The following SMS variants were observed in gnomAD, a reference collection of about 807,000 sequenced individuals.
SMS encodes spermidine aminopropyltransferase.
In SMS, 3 loss-of-function variants were observed where a neutral mutation model predicts 33.0. The observed-to-expected ratio is 0.09, with a 90% CI of 0.04 to 0.23. The LOEUF is 0.23. SMS is among the 10% of genes least tolerant of loss of function. The probability of loss-of-function intolerance (pLI) is 1.00; values close to 1 mark genes in which losing one functional copy is unlikely to be tolerated. For synonymous variants in SMS, 103 were observed against 112.2 expected, an observed-to-expected ratio of 0.92 and a Z score of 0.52; for missense variants, 117 against 288.6, an observed-to-expected ratio of 0.41 and a Z score of 4.31.
At position 21,940,739 on chromosome X, in the gene SMS, C is replaced by A; in HGVS notation, c.-86C>A. The A allele has an allele frequency of 1.2e-6, 1 of 822,603 alleles. No homozygotes were observed. Among genetic ancestry groups the A allele is most frequent in the Non-Finnish European group, 1.7e-6 (1 of 591,512 alleles). The allele number at this position is 822,603 out of a possible 1,213,427, so 67.8% of individuals were successfully genotyped here. A position where few individuals can be genotyped will look rare whatever the true frequency, so the allele number is the denominator to read the frequency against. ...TGGCCTCCCCGGGCGCAGCACACTC[C>A]CAGCCGGCCGCAGCCTGACACGCCG... On this transcript the variant is annotated 5_prime_UTR_variant, in exon 1 of 11. Coordinates refer to ENST00000404933, the MANE Select transcript of SMS (RefSeq NM_004595.5).
At chrX:21,949,950 GA>G (rs5901691) in intron 1 of SMS, among the ~76,000 whole-genome samples, 43,324 of 102,735 alleles carry the variant, frequency 0.42, 8,349 homozygotes, top group African/African-American at 0.72. Context: ...TTCCAAAGTG[GA>G]AAAAAAAAAA....
At chrX:21,973,030 G>A (rs1360938915) in intron 4 of SMS, among the ~76,000 whole-genome samples, 1 of 110,581 alleles carries the variant, frequency 9.0e-6, no homozygotes, top group Non-Finnish European at 1.9e-5. Flanking sequence ...ATGGTGAACT[G>A]AACTACTGGG....
chrX:21,961,272 G>T, intron 1 of SMS, among the ~76,000 whole-genome samples: 1 of 109,982 alleles, frequency 9.1e-6, no homozygotes, highest in Non-Finnish European at 1.9e-5. Flanking sequence ...GAGGAAGTTA[G>T]GTCTGTAAGT....
intron 9 of SMS, among the ~76,000 whole-genome samples, chrX:21,992,213 A>G (rs1925804577): frequency 8.9e-6 from 1 of 112,651 alleles, no homozygotes. Context: ...CAGGAACACT[A>G]TATTTTTGAT....
At chrX:21,970,745 GT>G (rs756995067) in intron 2 of SMS, among the ~76,000 whole-genome samples, 2,438 of 82,219 alleles carry the variant, frequency 0.03, 86 homozygotes, top group African/African-American at 0.087. Context: ...ATTATTTTTA[GT>G]TTTTTTTTTT....
At chrX:21,981,483 G>A (rs900600495) in intron 7 of SMS, among the ~76,000 whole-genome samples, 5 of 111,580 alleles carry the variant, frequency 4.5e-5, no homozygotes, top group Non-Finnish European at 5.6e-5. Flanking sequence ...AGTGTGAAGC[G>A]AAATATGTCC....
chrX:21,969,221 A>G (rs1230025557), intron 2 of SMS, among the ~76,000 whole-genome samples: 2 of 111,577 alleles, frequency 1.8e-5, no homozygotes, highest in African/African-American at 6.5e-5. Flanking sequence ...ATACCTCTCA[A>G]AGACATCCTA....
intron 5 of SMS, among the ~76,000 whole-genome samples, chrX:21,977,660 A>T (rs978841213): frequency 2.7e-5 from 3 of 111,572 alleles, no homozygotes; most frequent in African/African-American, 9.8e-5. Context: ...AGCAGCTCAC[A>T]GACATCATAT....
Position 21,941,755 on chromosome X carries a change from C to G in SMS, c.49+882C>G, listed in dbSNP as rs182382067. 5.2e-3 allele frequency among the ~76,000 whole-genome samples: 558 copies of G among 107,065 alleles called. 5 individuals are homozygous for G. Among genetic ancestry groups the G allele is most frequent in the African/African-American group, 0.018 (526 of 29,382 alleles). The allele number at this position is 107,065 out of a possible 115,157, so 93.0% of individuals were successfully genotyped here. ...CAAAAATTAGCCGGGCGTGGTGGCA[C>G]GCGCCTGTAATCCCAGCTACTCGGG... On this transcript the variant is annotated intron_variant, in intron 1 of 10. Coordinates refer to ENST00000404933, the MANE Select transcript of SMS (RefSeq NM_004595.5).
At position 21,988,528 on chromosome X, in the gene SMS, G is replaced by T. The variant is rs751154252; in HGVS notation, c.945+3305G>T. Among the ~76,000 whole-genome samples the T allele has an allele frequency of 3.6e-5, 4 of 109,611 alleles. No homozygotes were observed. In the South Asian group the frequency reaches 1.6e-3, roughly 43 times the overall value. On this transcript the variant is annotated intron_variant, in intron 9 of 10. Coordinates refer to ENST00000404933, the MANE Select transcript of SMS (RefSeq NM_004595.5). Reference sequence around the variant, plus strand: ...AAAATACAAAAAATTAGCCGGGCGCGGTGGCAGACGCCTGTAGTCCCAGCT... The same window carrying T: ...AAAATACAAAAAATTAGCCGGGCGCTGTGGCAGACGCCTGTAGTCCCAGCT...
chrX:21,955,025 G>A lies in SMS; in HGVS notation c.50-12171G>A, dbSNP rs752156755. On this transcript the variant is annotated intron_variant, in intron 1 of 10. Coordinates refer to ENST00000404933, the MANE Select transcript of SMS (RefSeq NM_004595.5). ...CTAATTTTTATATTTTAGCAGAGAC[G>A]GAGTTTCACCATGTTTGTCAGGCTG... Among the ~76,000 whole-genome samples the A allele has an allele frequency of 8.1e-5, 9 of 110,955 alleles. No individual in the cohort carries two copies. In the East Asian group the frequency reaches 2.3e-3, roughly 28 times the overall value.
At chrX:21,960,672 A>G (rs982589194) in intron 1 of SMS, among the ~76,000 whole-genome samples, 2 of 112,070 alleles carry the variant, frequency 1.8e-5, no homozygotes, top group Non-Finnish European at 3.8e-5. Context: ...AGAGAGCTAA[A>G]TCTTCTGTTC....
chrX:21,942,924 C>A (rs1162135800), intron 1 of SMS, among the ~76,000 whole-genome samples: 1 of 106,494 alleles, frequency 9.4e-6, no homozygotes, highest in Non-Finnish European at 1.9e-5. Context: ...ACTGCAACTT[C>A]CATCTCCTGG....
chrX:21,946,777 G>A (rs768299172), intron 1 of SMS, among the ~76,000 whole-genome samples: 5 of 112,048 alleles, frequency 4.5e-5, no homozygotes, highest in Non-Finnish European at 9.4e-5. Flanking sequence ...ATAGTGCCCA[G>A]GCAGAGAAAC....
At chrX:21,993,618 A>G (rs1925900083) in intron 10 of SMS, among the ~76,000 whole-genome samples, 1 of 112,177 alleles carries the variant, frequency 8.9e-6, no homozygotes, top group Admixed American at 9.4e-5. Context: ...ATGGCCAGCA[A>G]GAGGCAATGA....
At chrX:21,958,648 A>G (rs1923134429) in intron 1 of SMS, among the ~76,000 whole-genome samples, 1 of 111,935 alleles carries the variant, frequency 8.9e-6, no homozygotes, top group Non-Finnish European at 1.9e-5. Flanking sequence ...GCAACCACTA[A>G]TCTGCTTTAC....
At chrX:21,974,893 G>A (rs988783975) in intron 4 of SMS, among the ~76,000 whole-genome samples, 4 of 94,796 alleles carry the variant, frequency 4.2e-5, no homozygotes, top group Non-Finnish European at 8.3e-5. Context: ...GGAGAATAAA[G>A]ATCAGAGGTT....
At chrX:21,959,303 T>A (rs1481487655) in intron 1 of SMS, among the ~76,000 whole-genome samples, 1 of 112,367 alleles carries the variant, frequency 8.9e-6, no homozygotes, top group Admixed American at 9.4e-5. Flanking sequence ...GAAATTGAAG[T>A]CTTTTTTGCA....
chrX:21,953,347 G>A (rs1239524555), intron 1 of SMS, among the ~76,000 whole-genome samples: 1 of 111,080 alleles, frequency 9.0e-6, no homozygotes, highest in East Asian at 2.8e-4. Context: ...AAGAAACAAA[G>A]ACAGTTATTC....
Sources: gnomAD v4.1 joint callset for allele counts (sites outside exome capture counted in the v4.1 genomes callset) on GRCh38, gnomAD v4.1.1 for gene constraint, MANE v1.5 for transcripts, NCBI Gene and HGNC (gene_info 2026-07-23, HGNC 2026-07-21) for gene names.